Variants in TENM4 observed in about 807,000 individuals in gnomAD.
TENM4 encodes the protein teneurin transmembrane protein 4, also known as teneurin-4.
A neutral mutation model predicts 243.3 loss-of-function variants in TENM4; 82 were observed. The ratio of observed to expected loss-of-function variants is 0.34; its 90% CI spans 0.28 to 0.40. TENM4 has a LOEUF of 0.40. Among genes scored for constraint, TENM4 ranks in the 10% least tolerant of loss-of-function variants. The pLI, the probability that TENM4 is intolerant of heterozygous loss-of-function variation, is 1.00. For synonymous variants in TENM4, 1,412 were observed against 1,456.3 expected (o/e 0.97, Z 0.69); for missense variants, 3,138 against 3,673.3 (o/e 0.85, Z 3.77).
At chr11:79,026,964 G>A (rs910777843) in intron 6 of TENM4, among the ~76,000 whole-genome samples, 1 of 152,064 alleles carries the variant, frequency 6.6e-6, no homozygotes, top group African/African-American at 2.4e-5. Flanking sequence ...TAAGTGAGTG[G>A]GCTAGGGAGG....
intron 4 of TENM4, among the ~76,000 whole-genome samples, chr11:79,136,381 C>G (rs1012317425): frequency 6.6e-6 from 1 of 152,088 alleles, no homozygotes; most frequent in African/African-American, 2.4e-5. Flanking sequence ...TCTAGCCACC[C>G]CTGTCATCGC....
chr11:79,157,449 G>C (rs1381832176), intron 3 of TENM4, among the ~76,000 whole-genome samples: 1 of 152,030 alleles, frequency 6.6e-6, no homozygotes, highest in Non-Finnish European at 1.5e-5. Context: ...TGCACTCAGC[G>C]AATGTGTGCC....
chr11:79,173,848 G>A (rs753195610), intron 3 of TENM4, among the ~76,000 whole-genome samples: 4 of 152,176 alleles, frequency 2.6e-5, no homozygotes, highest in East Asian at 1.9e-4. Context: ...TTTAGCAGCC[G>A]CATTTAGCCC....
At chr11:79,389,862 C>T (rs1858194049) in intron 1 of TENM4, among the ~76,000 whole-genome samples, 1 of 152,190 alleles carries the variant, frequency 6.6e-6, no homozygotes, top group Admixed American at 6.5e-5. Context: ...TAGGTAAGTA[C>T]TCACATAGTA....
intron 21 of TENM4, among the ~76,000 whole-genome samples, chr11:78,731,543 C>A (rs1855668452): frequency 6.6e-6 from 1 of 152,234 alleles, no homozygotes; most frequent in South Asian, 2.1e-4. Flanking sequence ...GCAGGTGAGA[C>A]AACCGGGACT....
Position 78,907,118 on chromosome 11 carries a change from T to C in TENM4, c.494-3595A>G, listed in dbSNP as rs1396619272. 2.0e-5 allele frequency among the ~76,000 whole-genome samples: 3 copies of C among 152,112 alleles called. No individual in the cohort carries two copies. The East Asian group carries it at 5.8e-4, about 29-fold the overall frequency. On this transcript the variant is annotated intron_variant, in intron 6 of 33. Transcript: ENST00000278550. Reference sequence around the variant, plus strand: ...AATGTTAAGAAAGGGGACCTTGATGTTTCCTGGGTTCCCAAAGGAAAAGCT... The same window carrying C: ...AATGTTAAGAAAGGGGACCTTGATGCTTCCTGGGTTCCCAAAGGAAAAGCT...
At chr11:78,931,029 TA>T (rs1461423405) in intron 6 of TENM4, among the ~76,000 whole-genome samples, 1 of 152,202 alleles carries the variant, frequency 6.6e-6, no homozygotes, top group Non-Finnish European at 1.5e-5. Context: ...AGCAAACATC[TA>T]ACGTAATTTG....
At chr11:79,122,912 T>G (rs982892244) in intron 4 of TENM4, among the ~76,000 whole-genome samples, 6 of 152,166 alleles carry the variant, frequency 3.9e-5, no homozygotes, top group Non-Finnish European at 8.8e-5. Context: ...TGTGCTGGAC[T>G]CCCTCAGAAA....
chr11:78,796,526 C>A (rs1429675910), intron 15 of TENM4, among the ~76,000 whole-genome samples: 1 of 152,116 alleles, frequency 6.6e-6, no homozygotes, highest in Admixed American at 6.5e-5. Flanking sequence ...GCTCATCTAT[C>A]TAACTCTTTC....
At chr11:79,225,712 C>G (rs988458232) in intron 2 of TENM4, among the ~76,000 whole-genome samples, 3 of 152,158 alleles carry the variant, frequency 2.0e-5, no homozygotes, top group Non-Finnish European at 4.4e-5. Context: ...CTCCTGAGCT[C>G]AAGCAATCCA....
chr11:78,903,539 G>T lies in TENM4; in HGVS notation c.494-16C>A. ...CCCGGATGATCTAGGGCACAAACATGGCGGTCAGCGGCGGTGAGCTTGGTG... is the reference window on the plus strand; with the variant it reads ...CCCGGATGATCTAGGGCACAAACATTGCGGTCAGCGGCGGTGAGCTTGGTG... On this transcript the variant is annotated splice_polypyrimidine_tract_variant and intron_variant, in intron 6 of 33. Transcript: ENST00000278550. The T allele has an allele frequency of 6.5e-7, 1 of 1,543,306 alleles. No homozygotes were observed.
chr11:79,115,350 T>C (rs577525654), intron 4 of TENM4, among the ~76,000 whole-genome samples: 2 of 152,302 alleles, frequency 1.3e-5, no homozygotes, highest in African/African-American at 4.8e-5. Context: ...ATTATCTCTT[T>C]TTATCTCTTT....
intron 1 of TENM4, among the ~76,000 whole-genome samples, chr11:79,324,325 A>T (rs1354897579): frequency 6.6e-6 from 1 of 152,074 alleles, no homozygotes; most frequent in Non-Finnish European, 1.5e-5. Flanking sequence ...AGGCTCAAGC[A>T]ATCCTCCTGC....
At chr11:78,747,914 G>A (rs756643503) in intron 19 of TENM4, among the ~76,000 whole-genome samples, 6 of 152,182 alleles carry the variant, frequency 3.9e-5, no homozygotes, top group Admixed American at 3.9e-4. Context: ...CTTCACTTGG[G>A]ACTCCAGGTT....
intron 2 of TENM4, among the ~76,000 whole-genome samples, chr11:79,295,819 C>T (rs1429156674): frequency 6.7e-6 from 1 of 150,252 alleles, no homozygotes; most frequent in Non-Finnish European, 1.5e-5. Flanking sequence ...TTATTAAAAG[C>T]CCATTTCTAG....
At chr11:78,704,192 T>C (rs1859187418) in intron 27 of TENM4, among the ~76,000 whole-genome samples, 1 of 139,560 alleles carries the variant, frequency 7.2e-6, no homozygotes. Flanking sequence ...TATATATATA[T>C]ATTTGTAGAG....
At chr11:78,853,973 G>GTC in intron 12 of TENM4, 131 bp downstream of exon 12, 3 of 875,290 alleles carry the variant, frequency 3.4e-6, no homozygotes, top group Non-Finnish European at 5.1e-6. Context: ...AGTCAGGAGG[G>GTC]TCTCGTGCCA....
intron 2 of TENM4, among the ~76,000 whole-genome samples, chr11:79,273,095 C>T (rs559215839): frequency 1.4e-4 from 21 of 152,270 alleles, no homozygotes; most frequent in South Asian, 6.2e-4. Context: ...CTGATTCTAC[C>T]GCTTAACAAA....
intron 6 of TENM4, among the ~76,000 whole-genome samples, chr11:79,014,110 C>T (rs1280750004): frequency 6.6e-6 from 1 of 151,438 alleles, no homozygotes; most frequent in African/African-American, 2.5e-5. Context: ...AGTAGGCAGT[C>T]CACAAATATT....
Sources: allele counts gnomAD v4.1 joint callset (sites outside exome capture counted in the v4.1 genomes callset), GRCh38; gene constraint gnomAD v4.1.1; transcripts MANE v1.5; gene names NCBI Gene and HGNC (gene_info 2026-07-23, HGNC 2026-07-21).